PDE4D: variants seen among roughly 807,000 people sequenced by gnomAD.
PDE4D encodes the protein 3',5'-cyclic-AMP phosphodiesterase 4D.
Under a neutral mutation model 87.4 loss-of-function variants are expected in PDE4D, and 24 were observed. That is an observed-to-expected ratio of 0.27 (90% CI 0.20 to 0.39). PDE4D has a LOEUF of 0.39. PDE4D is among the 10% of genes least tolerant of loss of function. PDE4D has a pLI of 1.00. For missense variants in PDE4D, 714 were observed against 1,041.0 expected (o/e 0.69, Z 4.32); for synonymous variants, 384 against 383.2 (o/e 1.00, Z -0.02).
intron 2 of PDE4D, among the ~76,000 whole-genome samples, chr5:60,052,069 G>T (rs1398709455): frequency 2.6e-5 from 4 of 151,974 alleles, no homozygotes; most frequent in African/African-American, 9.7e-5. Context: ...ATCATAAAAG[G>T]CCCAGGACCA....
intron 5 of PDE4D, among the ~76,000 whole-genome samples, chr5:59,108,048 T>C (rs1322061623): frequency 6.6e-6 from 1 of 152,260 alleles, no homozygotes; most frequent in Admixed American, 6.5e-5. Flanking sequence ...CCAGCAGGAC[T>C]GCCCGGCTGA....
intron 1 of PDE4D, among the ~76,000 whole-genome samples, chr5:59,635,018 T>A (rs1432122315): frequency 6.6e-6 from 1 of 151,572 alleles, no homozygotes; most frequent in East Asian, 1.9e-4. Flanking sequence ...GAGAGAAGAA[T>A]CAAATAGACA....
At chr5:59,806,753 G>T (rs1181998437) in intron 1 of PDE4D, among the ~76,000 whole-genome samples, 3 of 152,102 alleles carry the variant, frequency 2.0e-5, no homozygotes, top group East Asian at 3.9e-4. Context: ...TTTGAAAATT[G>T]TTAAGAGAGT....
intron 6 of PDE4D, among the ~76,000 whole-genome samples, chr5:59,037,762 C>G (rs894596438): frequency 6.6e-6 from 1 of 151,872 alleles, no homozygotes; most frequent in Non-Finnish European, 1.5e-5. Context: ...ATAAGACAAT[C>G]AAGTGGCTGT....
At chr5:59,037,681 C>T (rs940663494) in intron 6 of PDE4D, among the ~76,000 whole-genome samples, 6 of 152,126 alleles carry the variant, frequency 3.9e-5, no homozygotes, top group Admixed American at 1.3e-4. Flanking sequence ...GCCGTGTCTA[C>T]AGAGCCCCTT....
intron 1 of PDE4D, among the ~76,000 whole-genome samples, chr5:59,790,946 G>A (rs1449858786): frequency 6.6e-6 from 1 of 152,056 alleles, no homozygotes; most frequent in African/African-American, 2.4e-5. Context: ...CTCCACCCTC[G>A]CCCTGGGATG....
At chr5:59,187,176 C>A (rs1183884121) in intron 3 of PDE4D, among the ~76,000 whole-genome samples, 43 of 151,984 alleles carry the variant, frequency 2.8e-4, no homozygotes, top group Admixed American at 2.8e-3. Context: ...AAACATCAGT[C>A]ATGAAAAGAA....
At chr5:59,554,971 T>A (rs1281697198) in intron 1 of PDE4D, among the ~76,000 whole-genome samples, 1 of 152,130 alleles carries the variant, frequency 6.6e-6, no homozygotes, top group Non-Finnish European at 1.5e-5. Flanking sequence ...AAAACAGAAC[T>A]ACCATTCAAC....
intron 1 of PDE4D, among the ~76,000 whole-genome samples, chr5:59,774,392 C>T (rs1763867629): frequency 6.6e-6 from 1 of 152,228 alleles, no homozygotes; most frequent in African/African-American, 2.4e-5. Context: ...ATACATTCCA[C>T]CCAATTAAAC....
In PDE4D at chr5:60,067,883, T is replaced by G. The variant is rs145107095; in HGVS notation, c.43-79166A>C. On this transcript the variant is annotated intron_variant, in intron 2 of 16. Transcript: ENST00000502484. ...ATGTCTTTAAGTTTCATCCATGTTG[T>G]TGTCACATACGGCAATAGTTCCTGC... is the stretch of plus-strand genomic sequence containing the variant. Among the ~76,000 whole-genome samples, 189 of 152,312 alleles carry G rather than the reference T, an allele frequency of 1.2e-3. 2 individuals are homozygous for G. In the East Asian group the frequency reaches 0.032, roughly 26 times the overall value.
chr5:59,055,761 C>T (rs967109499), intron 5 of PDE4D, among the ~76,000 whole-genome samples: 1 of 152,120 alleles, frequency 6.6e-6, no homozygotes, highest in African/African-American at 2.4e-5. Context: ...AGCAAGGAGC[C>T]TTTTCTATAG....
chr5:59,142,794 G>A (rs992864019), intron 5 of PDE4D, among the ~76,000 whole-genome samples: 1 of 152,186 alleles, frequency 6.6e-6, no homozygotes, highest in Non-Finnish European at 1.5e-5. Flanking sequence ...GCACACGCCT[G>A]TAGTCCCAGC....
intron 2 of PDE4D, among the ~76,000 whole-genome samples, chr5:60,061,104 T>C (rs531150220): frequency 5.9e-5 from 9 of 152,126 alleles, no homozygotes; most frequent in Non-Finnish European, 1.3e-4. Context: ...GAGAAAGAAA[T>C]AAAGCGTATT....
chr5:59,688,615 C>A (rs1048749219), intron 1 of PDE4D, among the ~76,000 whole-genome samples: 1 of 152,144 alleles, frequency 6.6e-6, no homozygotes, highest in Non-Finnish European at 1.5e-5. Context: ...CAAGAGAAAG[C>A]AGGAAAGATC....
At position 60,184,721 on chromosome 5, in the gene PDE4D, A is replaced by G. The variant is rs181550964; in HGVS notation, c.42+836T>C. Among the ~76,000 whole-genome samples, 950 of 152,344 alleles carry G rather than the reference A, an allele frequency of 6.2e-3. 6 individuals carry two copies. The highest frequency in any genetic ancestry group is 9.8e-3 in the Non-Finnish European group (668 of 68,020). On this transcript the variant is annotated intron_variant, in intron 2 of 16. Coordinates refer to the PDE4D transcript ENST00000502484. The stretch of plus-strand genomic sequence containing the variant: ...TGAAAGATGGCCTTGGGCCACCACA[A>G]TAGAATCACTGGTTATAACACAAAG...
intron 2 of PDE4D, among the ~76,000 whole-genome samples, chr5:60,156,556 T>C (rs1328281609): frequency 6.6e-6 from 1 of 152,204 alleles, no homozygotes; most frequent in Non-Finnish European, 1.5e-5. Context: ...ACATAATCAC[T>C]TCTGGATTAT....
At chr5:59,987,339 C>A (rs1387553449) in intron 3 of PDE4D, 1 of 152,184 alleles carries the variant, frequency 6.6e-6, no homozygotes, top group African/African-American at 2.4e-5. Context: ...TCTTTAAACA[C>A]ATAGTTCAAT....
At chr5:60,516,832 G>T (rs1750821188) in intron 1 of PDE4D, among the ~76,000 whole-genome samples, 1 of 152,220 alleles carries the variant, frequency 6.6e-6, no homozygotes, top group Admixed American at 6.5e-5. Context: ...GAAGACGCCA[G>T]CTGCAGCAGG....
intron 1 of PDE4D, among the ~76,000 whole-genome samples, chr5:59,545,072 G>C (rs1253976540): frequency 2.0e-5 from 3 of 152,086 alleles, no homozygotes; most frequent in Non-Finnish European, 4.4e-5. Flanking sequence ...GAACCTCAGA[G>C]GTAAAGAGAC....
Sources: gnomAD v4.1 joint callset for allele counts (sites outside exome capture counted in the v4.1 genomes callset) on GRCh38, gnomAD v4.1.1 for gene constraint, MANE v1.5 for transcripts, NCBI Gene and HGNC (gene_info 2026-07-23, HGNC 2026-07-21) for gene names.